The following DOK6 variants were observed in gnomAD, a reference collection of about 807,000 sequenced individuals.
DOK6 encodes the protein docking protein 6, also known as downstream of tyrosine kinase 6.
DOK6 carries 22 observed loss-of-function variants against 44.0 expected under a neutral mutation model. The observed-to-expected ratio is 0.50, with a 90% CI of 0.36 to 0.71. DOK6 has a LOEUF of 0.71. DOK6 is among the 30% of genes least tolerant of loss of function. The probability of loss-of-function intolerance (pLI) is 0.00; values close to 1 mark genes in which losing one functional copy is unlikely to be tolerated. For missense variants in DOK6, 340 were observed against 416.4 expected (o/e 0.82, Z 1.60); for synonymous variants, 166 against 145.5 (o/e 1.14, Z -1.01).
chr18:69,424,307 G>A (rs1978576432), intron 1 of DOK6, among the ~76,000 whole-genome samples: 1 of 152,160 alleles, frequency 6.6e-6, no homozygotes. Flanking sequence ...ACCCATGACA[G>A]TGTGAGACTT....
intron 7 of DOK6, among the ~76,000 whole-genome samples, chr18:69,787,986 G>A (rs1419331662): frequency 6.6e-6 from 1 of 152,170 alleles, no homozygotes; most frequent in African/African-American, 2.4e-5. Context: ...ACTTATAAGT[G>A]TATTTCTGCA....
intron 7 of DOK6, among the ~76,000 whole-genome samples, chr18:69,823,917 G>A (rs189319293): frequency 1.6e-4 from 24 of 152,200 alleles, no homozygotes; most frequent in African/African-American, 5.1e-4. Flanking sequence ...AGAAACTTAC[G>A]TGTTTGAAGA....
intron 7 of DOK6, among the ~76,000 whole-genome samples, chr18:69,825,577 G>C (rs2145128046): frequency 6.6e-6 from 1 of 151,748 alleles, no homozygotes; most frequent in East Asian, 1.9e-4. Flanking sequence ...GGGACTACAG[G>C]TGCCCACCAC....
In DOK6 at chr18:69,423,823, T is replaced by A. The variant is rs560818058; in HGVS notation, c.66+22513T>A. 2.6e-5 allele frequency among the ~76,000 whole-genome samples: 4 copies of A among 152,322 alleles called. No homozygotes were observed. In the East Asian group the frequency reaches 7.7e-4, roughly 29 times the overall value. ...ACATAATTTGCTGTGTTTCAGATTT[T>A]AAAAAAGAAATAAAATGAATATAAT... is the stretch of plus-strand genomic sequence containing the variant. On this transcript the variant is annotated intron_variant, in intron 1 of 7. Transcript: ENST00000382713.
At chr18:69,611,843 G>A (rs1233375106) in intron 3 of DOK6, among the ~76,000 whole-genome samples, 1 of 152,140 alleles carries the variant, frequency 6.6e-6, no homozygotes, top group Non-Finnish European at 1.5e-5. Flanking sequence ...GGGGACAGGA[G>A]GGCTGTATGG....
intron 3 of DOK6, among the ~76,000 whole-genome samples, chr18:69,628,678 G>T (rs528355178): frequency 6.6e-6 from 1 of 152,106 alleles, no homozygotes; most frequent in East Asian, 1.9e-4. Flanking sequence ...GAACATATTT[G>T]CCTAACATAT....
At chr18:69,725,794 G>A (rs1470788731) in intron 5 of DOK6, among the ~76,000 whole-genome samples, 1 of 152,088 alleles carries the variant, frequency 6.6e-6, no homozygotes, top group East Asian at 1.9e-4. Flanking sequence ...CCCCTGAAGT[G>A]TATTTAAAAT....
intron 1 of DOK6, among the ~76,000 whole-genome samples, chr18:69,450,093 C>T (rs918761792): frequency 3.8e-5 from 5 of 129,964 alleles, no homozygotes; most frequent in African/African-American, 6.0e-5. Context: ...AAGAAGGCTT[C>T]GGACGATCAA....
chr18:69,576,224 T>A (rs1983235239), intron 2 of DOK6, among the ~76,000 whole-genome samples: 1 of 151,884 alleles, frequency 6.6e-6, no homozygotes. Flanking sequence ...TCTCCAGAAT[T>A]GGGAAAAAAT....
chr18:69,706,377 A>C (rs916159042), intron 5 of DOK6, among the ~76,000 whole-genome samples: 1 of 152,118 alleles, frequency 6.6e-6, no homozygotes, highest in African/African-American at 2.4e-5. Flanking sequence ...TTTCAAAGAG[A>C]GGAGGAAGTG....
At chr18:69,763,671 G>T (rs1738658687) in intron 7 of DOK6, among the ~76,000 whole-genome samples, 1 of 152,128 alleles carries the variant, frequency 6.6e-6, no homozygotes, top group African/African-American at 2.4e-5. Context: ...AAGGAAATCA[G>T]ATTACTGAGT....
intron 3 of DOK6, among the ~76,000 whole-genome samples, chr18:69,648,717 T>C (rs1985146991): frequency 6.6e-6 from 1 of 152,230 alleles, no homozygotes; most frequent in African/African-American, 2.4e-5. Flanking sequence ...TACGTGCCAA[T>C]GCATGCTCTG....
At chr18:69,724,457 A>G (rs574574836) in intron 5 of DOK6, among the ~76,000 whole-genome samples, 20 of 152,364 alleles carry the variant, frequency 1.3e-4, no homozygotes, top group Non-Finnish European at 2.6e-4. Context: ...CATGATAGGT[A>G]TTTACAATAT....
intron 1 of DOK6, among the ~76,000 whole-genome samples, chr18:69,525,786 T>C (rs1312005425): frequency 6.6e-6 from 1 of 151,978 alleles, no homozygotes; most frequent in African/African-American, 2.4e-5. Context: ...CCAATAAAAG[T>C]TTCTTTATGC....
intron 7 of DOK6, among the ~76,000 whole-genome samples, chr18:69,786,943 T>C (rs1160284033): frequency 6.6e-6 from 1 of 152,208 alleles, no homozygotes; most frequent in Non-Finnish European, 1.5e-5. Flanking sequence ...TGGCCGGGCT[T>C]GGTGGCTCAC....
At chr18:69,494,825 T>A (rs1290612519) in intron 1 of DOK6, among the ~76,000 whole-genome samples, 1 of 152,150 alleles carries the variant, frequency 6.6e-6, no homozygotes, top group Admixed American at 6.6e-5. Flanking sequence ...GCAGGATCCT[T>A]GGGGTGACGC....
intron 5 of DOK6, among the ~76,000 whole-genome samples, chr18:69,720,214 G>A (rs540328615): frequency 3.3e-5 from 5 of 152,016 alleles, no homozygotes; most frequent in African/African-American, 4.8e-5. Context: ...TTTAAAGCAT[G>A]AAACCATGAT....
At chr18:69,466,831 AAAG>A (rs983518523) in intron 1 of DOK6, among the ~76,000 whole-genome samples, 7 of 152,050 alleles carry the variant, frequency 4.6e-5, no homozygotes, top group South Asian at 2.1e-4. Flanking sequence ...GAAAGAAAGG[AAAG>A]AAGGAGAGAA....
At chr18:69,576,009 G>A (rs961784876) in intron 2 of DOK6, among the ~76,000 whole-genome samples, 48 of 152,196 alleles carry the variant, frequency 3.2e-4, no homozygotes, top group African/African-American at 9.9e-4. Context: ...ACAAAATCAT[G>A]GACTAAACCA....
Sources: gnomAD v4.1 joint callset for allele counts (sites outside exome capture counted in the v4.1 genomes callset) on GRCh38, gnomAD v4.1.1 for gene constraint, MANE v1.5 for transcripts, NCBI Gene and HGNC (gene_info 2026-07-23, HGNC 2026-07-21) for gene names.